The following CCDC197 variants were observed in gnomAD, a reference collection of about 807,000 sequenced individuals.
CCDC197 encodes the protein coiled-coil domain containing 197.
In CCDC197, 24 loss-of-function variants were observed where a neutral mutation model predicts 13.4. The ratio of observed to expected loss-of-function variants is 1.80; its 90% CI spans 1.30 to 2.53. The LOEUF is 2.53. Among genes scored for constraint, CCDC197 ranks in the 30% most tolerant of loss-of-function variants. The pLI, the probability that CCDC197 is intolerant of heterozygous loss-of-function variation, is 0.00. For missense variants in CCDC197, 255 were observed against 148.8 expected, an observed-to-expected ratio of 1.71 and a Z score of -3.71; for synonymous variants, 99 against 55.5, an observed-to-expected ratio of 1.78 and a Z score of -3.48.
intron 3 of CCDC197, 120 bp from the exon 4 acceptor site, chr14:94,001,025 C>T (rs184390691): frequency 1.0e-4 from 58 of 576,772 alleles, no homozygotes; most frequent in African/African-American, 9.1e-4. Context: ...GGTCATCCTA[C>T]TGTCATGGAC....
At chr14:94,004,439 A>G (rs1222898360) in intron 5 of CCDC197, among the ~76,000 whole-genome samples, 5 of 152,124 alleles carry the variant, frequency 3.3e-5, no homozygotes, top group African/African-American at 1.2e-4. Flanking sequence ...AGCCAAGGCA[A>G]GGGGCTTAGG....
At chr14:94,007,971 A>C (rs1361359624) in intron 6 of CCDC197, among the ~76,000 whole-genome samples, 1 of 152,240 alleles carries the variant, frequency 6.6e-6, no homozygotes, top group African/African-American at 2.4e-5. Context: ...ATTCAGTTGA[A>C]GTCTGTGTAA....
Position 93,998,195 on chromosome 14 carries a change from C to A in CCDC197, c.64C>A (p.Leu22Ile), listed in dbSNP as rs755868743. The A allele has an allele frequency of 5.4e-5, 42 of 780,588 alleles. No individual in the cohort carries two copies. The highest frequency in any genetic ancestry group is 8.8e-5 in the Non-Finnish European group (37 of 418,130). 48.4% of individuals were successfully genotyped at this position (780,588 alleles called of 1,614,324 possible). A position where few individuals can be genotyped will look rare whatever the true frequency, so the allele number is the denominator to read the frequency against. Residue 22 changes from leucine to isoleucine, a missense_variant, in exon 2 of 7, where the codon CTT (leucine) becomes ATT (isoleucine). Coordinates refer to ENST00000636493, the MANE Select transcript of CCDC197 (RefSeq NM_001351596.2). ...CAATCCTGGTGACAAGGAAGGGGAC[C>A]TTCAAGGGCTGTGGCAGGAACTCTA... ...PSNPGDKEGD[L>I]QGLWQELYQL...
intron 1 of CCDC197, 30 bp from the exon 2 acceptor site, chr14:93,997,969 T>C: frequency 3.2e-6 from 2 of 618,162 alleles, no homozygotes; most frequent in Admixed American, 2.6e-5. Context: ...TCACAGCCCC[T>C]TTCTGAACCT....
At position 94,003,998 on chromosome 14, in the gene CCDC197, T is replaced by G. The variant is rs1366966023; in HGVS notation, c.498+644T>G. 6.6e-6 allele frequency among the ~76,000 whole-genome samples: 1 copy of G among 152,232 alleles called. No individual in the cohort carries two copies. Among genetic ancestry groups the G allele is most frequent in the Non-Finnish European group, 1.5e-5 (1 of 68,024 alleles). On this transcript the variant is annotated intron_variant, in intron 5 of 6. Coordinates refer to ENST00000636493, the MANE Select transcript of CCDC197 (RefSeq NM_001351596.2). This position sits in a 1 kb window ranked among gnomAD's most constrained non-coding sequence, Gnocchi z 5.0. ...GTCTTCAGTAAGGCTGGTGTCTCTC[T>G]GATCAGAGAGTCTGACCTGGAGTAG...
chr14:94,009,030 G>T (rs780409771), downstream of CCDC197, among the ~76,000 whole-genome samples: 79 of 152,192 alleles, frequency 5.2e-4, no homozygotes, highest in Admixed American at 1.5e-3. Context: ...GGGAGAGAGA[G>T]GCAGGTTCCC....
intron 3 of CCDC197, 131 bp downstream of exon 3, chr14:93,999,796 A>G (rs1595352170): frequency 1.4e-5 from 9 of 654,806 alleles, no homozygotes; most frequent in Non-Finnish European, 2.5e-5. Flanking sequence ...ACAAAGGCCA[A>G]CCCCACAGTA....
At chr14:93,996,188 C>G (rs772921837), upstream of CCDC197, among the ~76,000 whole-genome samples, 3 of 152,176 alleles carry the variant, frequency 2.0e-5, no homozygotes, top group Admixed American at 6.5e-5. Flanking sequence ...CCACGTCCCC[C>G]ACACCTGCAT....
Position 94,003,630 on chromosome 14 carries a change from C to G in CCDC197, c.498+276C>G, listed in dbSNP as rs1016932387. 6.6e-6 allele frequency among the ~76,000 whole-genome samples: 1 copy of G among 151,020 alleles called. No homozygotes were observed. Among genetic ancestry groups the G allele is most frequent in the African/African-American group, 2.4e-5 (1 of 41,206 alleles). On this transcript the variant is annotated intron_variant, in intron 5 of 6. Coordinates refer to ENST00000636493, the MANE Select transcript of CCDC197 (RefSeq NM_001351596.2). The surrounding 1 kb of genome is among the most constrained non-coding windows in gnomAD (Gnocchi z 5.0). The stretch of plus-strand genomic sequence containing the variant: ...GCACAGACACACACAGACACACACA[C>G]AGACATGCAAACACACGCACAGACA...
chr14:93,992,183 G>C (rs984674027), intron 1 of CCDC197, among the ~76,000 whole-genome samples: 1 of 152,192 alleles, frequency 6.6e-6, no homozygotes, highest in African/African-American at 2.4e-5. Flanking sequence ...TCTGGTTTTC[G>C]CTTTAAGACG....
At chr14:94,010,890 G>A (rs1308505296), downstream of CCDC197, among the ~76,000 whole-genome samples, 1 of 152,210 alleles carries the variant, frequency 6.6e-6, no homozygotes. Context: ...TTAAGCTGGT[G>A]GCTCTCAGGT....
At chr14:94,011,140 G>A (rs762551715), downstream of CCDC197, among the ~76,000 whole-genome samples, 2 of 152,160 alleles carry the variant, frequency 1.3e-5, no homozygotes, top group African/African-American at 2.4e-5. Flanking sequence ...CCCTCTGCAC[G>A]ATGGGGCTGG....
At chr14:94,006,706 T>A (rs1166158108) in intron 6 of CCDC197, among the ~76,000 whole-genome samples, 1 of 152,218 alleles carries the variant, frequency 6.6e-6, no homozygotes, top group African/African-American at 2.4e-5. Context: ...GCATTCTGGA[T>A]ACAGGTCCCT....
intron 1 of CCDC197, among the ~76,000 whole-genome samples, chr14:93,989,289 C>A (rs1890166161): frequency 6.6e-6 from 1 of 152,100 alleles, no homozygotes; most frequent in African/African-American, 2.4e-5. Context: ...GGCATTGCAG[C>A]CCAGGACCCA....
rs762593848 is a variant in CCDC197 at position 94,001,161 on chromosome 14, G to A, written c.204G>A (p.Glu68=). ...TCTCCGTAGGCTGCACGGGATGGGA[G>A]GAGCCGGAGGAGGTGCTGGTGGAGG... is the stretch of plus-strand genomic sequence containing the variant. ...EKIPEGCTGW[E]EPEEVLVEAT... The change falls in exon 4 of 7, where the codon GAG becomes GAA. Residue 68 remains glutamate, a synonymous_variant. Transcript: ENST00000636493. The A allele has an allele frequency of 5.6e-5, 44 of 779,690 alleles. No individual in the cohort carries two copies. The East Asian group carries it at 8.5e-4, about 15-fold the overall frequency. 48.3% of individuals were successfully genotyped at this position (779,690 alleles called of 1,614,324 possible).
Position 94,003,047 on chromosome 14 carries a change from C to G in CCDC197, c.367-176C>G, listed in dbSNP as rs1313216454. Among the ~76,000 whole-genome samples, 2 of 152,018 alleles carry G rather than the reference C, an allele frequency of 1.3e-5. No individual in the cohort carries two copies. Among genetic ancestry groups the G allele is most frequent in the Non-Finnish European group, 2.9e-5 (2 of 68,016 alleles). ...TATCAGGAACTGGGGCTCAGGTAAA[C>G]TCCATCAGCCTGGACACGCCCTTTT... On this transcript the variant is annotated intron_variant, in intron 4 of 6. Coordinates refer to ENST00000636493, the MANE Select transcript of CCDC197 (RefSeq NM_001351596.2). This position sits in a 1 kb window ranked among gnomAD's most constrained non-coding sequence, Gnocchi z 5.0.
At position 94,001,154 on chromosome 14, in the gene CCDC197, G is replaced by C; in HGVS notation, c.197G>C (p.Gly66Ala). The C allele has an allele frequency of 1.3e-6, 1 of 779,222 alleles. No individual in the cohort carries two copies. Among genetic ancestry groups the C allele is most frequent in the Admixed American group, 1.7e-5 (1 of 58,804 alleles). 48.3% of individuals were successfully genotyped at this position (779,222 alleles called of 1,614,324 possible). A position where few individuals can be genotyped will look rare whatever the true frequency, so the allele number is the denominator to read the frequency against. Reference sequence around the variant, plus strand: ...GGCGCTGTCTCCGTAGGCTGCACGGGATGGGAGGAGCCGGAGGAGGTGCTG... The same window carrying C: ...GGCGCTGTCTCCGTAGGCTGCACGGCATGGGAGGAGCCGGAGGAGGTGCTG... Reference protein sequence around the residue: ...VLEKIPEGCTGWEEPEEVLVE... With the variant: ...VLEKIPEGCTAWEEPEEVLVE... The change falls in exon 4 of 7, where the codon GGA becomes GCA. Residue 66 changes from glycine to alanine, a missense_variant. Transcript: ENST00000636493.
chr14:93,992,227 G>A (rs1045389192), intron 1 of CCDC197, among the ~76,000 whole-genome samples: 3 of 152,178 alleles, frequency 2.0e-5, no homozygotes, highest in Non-Finnish European at 2.9e-5. Flanking sequence ...AGAGTGGCCC[G>A]CAGGGGACAG....
intron 1 of CCDC197, among the ~76,000 whole-genome samples, chr14:93,992,290 T>A (rs1890226402): frequency 1.3e-5 from 2 of 152,008 alleles, no homozygotes; most frequent in African/African-American, 4.8e-5. Flanking sequence ...GGGACCAACA[T>A]GGGCCAGCGA....
Sources: allele counts gnomAD v4.1 joint callset (sites outside exome capture counted in the v4.1 genomes callset), GRCh38; gene constraint gnomAD v4.1.1; non-coding constraint Gnocchi (gnomAD v3.1); transcripts MANE v1.5; gene names NCBI Gene and HGNC (gene_info 2026-07-23, HGNC 2026-07-21).